Variants in CYRIA observed in about 807,000 individuals in gnomAD.
The protein encoded by CYRIA is CYFIP related Rac1 interactor A.
In CYRIA, 15 loss-of-function variants were observed where a neutral mutation model predicts 43.9. That is an observed-to-expected ratio of 0.34 (90% CI 0.23 to 0.53). CYRIA has a LOEUF of 0.53. CYRIA is among the 20% of genes least tolerant of loss of function. The pLI, the probability that CYRIA is intolerant of heterozygous loss-of-function variation, is 0.94. For missense variants in CYRIA, 236 were observed against 394.2 expected (o/e 0.60, Z 3.40); for synonymous variants, 117 against 136.0 (o/e 0.86, Z 0.97).
chr2:16,661,923 A>G (rs898316275), intron 1 of CYRIA, among the ~76,000 whole-genome samples: 3 of 152,226 alleles, frequency 2.0e-5, no homozygotes, highest in Non-Finnish European at 2.9e-5. Flanking sequence ...ATTGAGAAAA[A>G]TGTATATTAA....
chr2:16,606,113 C>A (rs1057193359), intron 2 of CYRIA, among the ~76,000 whole-genome samples: 1 of 152,152 alleles, frequency 6.6e-6, no homozygotes. Flanking sequence ...CAGCTCCAGG[C>A]CCATCAATCC....
intron 3 of CYRIA, among the ~76,000 whole-genome samples, chr2:16,578,046 G>C (rs946215226): frequency 3.9e-5 from 6 of 152,224 alleles, no homozygotes; most frequent in Middle Eastern, 3.2e-3. Context: ...AGGAGGTTGA[G>C]AAACGCCATC....
intron 10 of CYRIA, among the ~76,000 whole-genome samples, chr2:16,556,969 G>A (rs904594220): frequency 6.6e-6 from 1 of 152,020 alleles, no homozygotes; most frequent in Non-Finnish European, 1.5e-5. Flanking sequence ...TGGGGGGAGG[G>A]GAATCTCTGT....
rs1666227211 is a variant in CYRIA, at chr2:16,549,707, G to T, written c.*3229C>A. 1 of 152,054 alleles carries T rather than the reference G, an allele frequency of 6.6e-6. No homozygotes were observed. The highest frequency in any genetic ancestry group is 2.4e-5 in the African/African-American group (1 of 41,398). The allele number at this position is 152,054 out of a possible 1,614,324, so 9.4% of individuals were successfully genotyped here. A position where few individuals can be genotyped will look rare whatever the true frequency, so the allele number is the denominator to read the frequency against. ...TTAAAAAATATTTGTAGCTGCATAG[G>T]ATACAAGATTGAATGAGAAGTCTCT... is the stretch of plus-strand genomic sequence containing the variant. On this transcript the variant is annotated 3_prime_UTR_variant, in exon 12 of 12. Transcript: ENST00000381323.
Position 16,557,160 on chromosome 2 carries a change from A to G in CYRIA, c.838-2021T>C, listed in dbSNP as rs994194504. 6.6e-4 allele frequency among the ~76,000 whole-genome samples: 100 copies of G among 152,240 alleles called. 1 individual carries two copies. Among genetic ancestry groups the G allele is most frequent in the African/African-American group, 2.3e-3 (97 of 41,556 alleles). ...TCCTTTCCTGGCATTCACAATTAGCATTTCTTTAATAAATGGCTTGTGCCG... is the reference window on the plus strand; with the variant it reads ...TCCTTTCCTGGCATTCACAATTAGCGTTTCTTTAATAAATGGCTTGTGCCG... On this transcript the variant is annotated intron_variant, in intron 10 of 11. Coordinates refer to ENST00000381323, the MANE Select transcript of CYRIA (RefSeq NM_030797.4).
intron 2 of CYRIA, among the ~76,000 whole-genome samples, chr2:16,621,989 T>A (rs1198745230): frequency 6.6e-6 from 1 of 152,186 alleles, no homozygotes. Context: ...AGCCACCCAC[T>A]GCATGGTTCA....
chr2:16,606,578 C>T (rs983311104), intron 2 of CYRIA, among the ~76,000 whole-genome samples: 1 of 151,808 alleles, frequency 6.6e-6, no homozygotes, highest in Non-Finnish European at 1.5e-5. Context: ...GAAAAAGAGG[C>T]CTTCTCCTTT....
At chr2:16,641,489 C>A (rs1572198138) in intron 1 of CYRIA, among the ~76,000 whole-genome samples, 1 of 152,196 alleles carries the variant, frequency 6.6e-6, no homozygotes, top group East Asian at 1.9e-4. Context: ...ATGGACTCAA[C>A]CTTGACTCCC....
intron 2 of CYRIA, among the ~76,000 whole-genome samples, chr2:16,616,392 G>A (rs187794096): frequency 7.2e-5 from 11 of 152,044 alleles, no homozygotes; most frequent in African/African-American, 2.7e-4. Flanking sequence ...CCTTCCCTAC[G>A]TCACCCTTTG....
intron 1 of CYRIA, among the ~76,000 whole-genome samples, chr2:16,637,029 G>C (rs965103038): frequency 1.3e-5 from 2 of 152,014 alleles, no homozygotes; most frequent in African/African-American, 2.4e-5. Context: ...CCAGGAGCTG[G>C]CTATCTCCTG....
At chr2:16,574,672 A>G (rs1455883003) in intron 3 of CYRIA, among the ~76,000 whole-genome samples, 1 of 152,218 alleles carries the variant, frequency 6.6e-6, no homozygotes, top group East Asian at 1.9e-4. Flanking sequence ...CAGAGGGTGC[A>G]AGTCCCAAGC....
intron 1 of CYRIA, among the ~76,000 whole-genome samples, chr2:16,637,418 G>GT (rs1572195208): frequency 6.6e-6 from 1 of 152,132 alleles, no homozygotes; most frequent in South Asian, 2.1e-4. Flanking sequence ...CAGAGATGAT[G>GT]TTTTTCTCTC....
chr2:16,646,312 GACCATTT>G (rs1669819536), intron 1 of CYRIA, among the ~76,000 whole-genome samples: 1 of 152,158 alleles, frequency 6.6e-6, no homozygotes, highest in Non-Finnish European at 1.5e-5. Context: ...GTACAAATAT[GACCATTT>G]TCCATGCAGC....
chr2:16,587,563 GA>G (rs202178492), intron 3 of CYRIA, among the ~76,000 whole-genome samples: 5 of 150,668 alleles, frequency 3.3e-5, no homozygotes, highest in Admixed American at 6.6e-5. Context: ...AATGATTTCA[GA>G]AAAAAAAATG....
At chr2:16,607,514 C>T (rs747635766) in intron 2 of CYRIA, among the ~76,000 whole-genome samples, 1 of 152,220 alleles carries the variant, frequency 6.6e-6, no homozygotes, top group South Asian at 2.1e-4. Flanking sequence ...CGCCCCTCTG[C>T]TGAAGCTACT....
At chr2:16,600,609 G>A (rs1000006315) in intron 2 of CYRIA, among the ~76,000 whole-genome samples, 2 of 152,108 alleles carry the variant, frequency 1.3e-5, no homozygotes, top group African/African-American at 2.4e-5. Context: ...TAAATCATAA[G>A]TACTCAAATA....
chr2:16,589,896 C>G (rs62122728), intron 2 of CYRIA, among the ~76,000 whole-genome samples: 26,056 of 151,950 alleles, frequency 0.17, 2,973 homozygotes, highest in African/African-American at 0.31. Flanking sequence ...TATTAAGTCA[C>G]TTGCCTAGTG....
chr2:16,644,701 G>A (rs979676173), intron 1 of CYRIA, among the ~76,000 whole-genome samples: 6 of 152,182 alleles, frequency 3.9e-5, no homozygotes, highest in African/African-American at 1.2e-4. Context: ...TTCCTTGGAG[G>A]CCACACTTAG....
At chr2:16,656,415 T>C (rs1031816435) in intron 1 of CYRIA, among the ~76,000 whole-genome samples, 1 of 152,144 alleles carries the variant, frequency 6.6e-6, no homozygotes, top group Non-Finnish European at 1.5e-5. Context: ...GGGCCAGCCA[T>C]CCCCAGAGGC....
Sources: gnomAD v4.1 joint callset for allele counts (sites outside exome capture counted in the v4.1 genomes callset) on GRCh38, gnomAD v4.1.1 for gene constraint, MANE v1.5 for transcripts, NCBI Gene and HGNC (gene_info 2026-07-23, HGNC 2026-07-21) for gene names.